Variants in CENPW observed in about 807,000 individuals in gnomAD.
CENPW encodes cancer-up-regulated gene 2 protein.
A neutral mutation model predicts 11.1 loss-of-function variants in CENPW; 3 were observed. The observed-to-expected ratio is 0.27, with a 90% CI of 0.12 to 0.70. The LOEUF is 0.70. CENPW is among the 30% of genes least tolerant of loss of function. The probability of loss-of-function intolerance (pLI) is 0.77; values close to 1 mark genes in which losing one functional copy is unlikely to be tolerated. For missense variants in CENPW, 100 were observed against 105.6 expected (o/e 0.95, Z 0.23); for synonymous variants, 38 against 42.0 (o/e 0.91, Z 0.37).
chr6:126,425,604 T>TGC, the CENPW span, among the ~76,000 whole-genome samples: 1 of 152,068 alleles, frequency 6.6e-6, no homozygotes, highest in Non-Finnish European at 1.5e-5. Context: ...ATAAGAGTAG[T>TGC]ACTGCACCAC....
the CENPW span, among the ~76,000 whole-genome samples, chr6:126,447,810 C>T: frequency 2.0e-5 from 3 of 151,200 alleles, no homozygotes; most frequent in East Asian, 3.9e-4. Flanking sequence ...CCAAGTAATA[C>T]CTTGAAGAGC....
At chr6:126,460,182 A>T in the CENPW span, among the ~76,000 whole-genome samples, 1 of 151,680 alleles carries the variant, frequency 6.6e-6, no homozygotes, top group African/African-American at 2.4e-5. Flanking sequence ...TAATGTGGAA[A>T]CAATTTGGAT....
At chr6:126,377,181 T>C in the CENPW span, among the ~76,000 whole-genome samples, 7 of 152,304 alleles carry the variant, frequency 4.6e-5, no homozygotes, top group South Asian at 1.5e-3. Flanking sequence ...GTATCAAATT[T>C]ATACTTCTAT....
intron 2 of CENPW, among the ~76,000 whole-genome samples, chr6:126,347,821 T>TA (rs1300371772): frequency 2.0e-5 from 3 of 151,874 alleles, no homozygotes; most frequent in African/African-American, 4.8e-5. Flanking sequence ...AGTTTTTTTT[T>TA]AAAAAAAGAG....
At chr6:126,439,235 G>A in the CENPW span, among the ~76,000 whole-genome samples, 2 of 151,698 alleles carry the variant, frequency 1.3e-5, no homozygotes, top group African/African-American at 4.8e-5. Context: ...TGTAGAATAT[G>A]TACCACATGT....
At chr6:126,444,804 C>A in the CENPW span, among the ~76,000 whole-genome samples, 2 of 151,174 alleles carry the variant, frequency 1.3e-5, no homozygotes, top group African/African-American at 4.8e-5. Context: ...CAATACATTC[C>A]TCTTCCTGAT....
the CENPW span, among the ~76,000 whole-genome samples, chr6:126,407,254 G>A: frequency 6.6e-6 from 1 of 152,148 alleles, no homozygotes; most frequent in Admixed American, 6.5e-5. Context: ...CCCCTGCAAA[G>A]GACATGATCT....
the CENPW span, among the ~76,000 whole-genome samples, chr6:126,442,296 G>T: frequency 2.0e-5 from 3 of 151,158 alleles, no homozygotes; most frequent in Non-Finnish European, 4.4e-5. Flanking sequence ...TTTTTGATGG[G>T]ATTGTTTGTT....
the CENPW span, among the ~76,000 whole-genome samples, chr6:126,471,986 A>G: frequency 1.6e-4 from 24 of 152,208 alleles, no homozygotes; most frequent in Non-Finnish European, 3.4e-4. Flanking sequence ...ATATATTTCA[A>G]CAAAAGCTCA....
At chr6:126,475,519 T>C in the CENPW span, among the ~76,000 whole-genome samples, 1 of 152,194 alleles carries the variant, frequency 6.6e-6, no homozygotes, top group South Asian at 2.1e-4. Context: ...TCATTTTTAG[T>C]TAGGCCTTAT....
At chr6:126,452,108 T>C in the CENPW span, among the ~76,000 whole-genome samples, 6 of 151,114 alleles carry the variant, frequency 4.0e-5, no homozygotes, top group African/African-American at 1.5e-4. Context: ...GGTTAGAACT[T>C]ACAGCCTAAA....
At chr6:126,415,293 C>T in the CENPW span, among the ~76,000 whole-genome samples, 3 of 152,102 alleles carry the variant, frequency 2.0e-5, no homozygotes, top group East Asian at 1.9e-4. Flanking sequence ...TTTTTATTCA[C>T]TCACTAGATT....
chr6:126,431,111 C>T, the CENPW span, among the ~76,000 whole-genome samples: 1 of 152,054 alleles, frequency 6.6e-6, no homozygotes, highest in Non-Finnish European at 1.5e-5. Flanking sequence ...GAATTTTCTT[C>T]CTATTTTATC....
the CENPW span, among the ~76,000 whole-genome samples, chr6:126,377,521 C>T: frequency 6.6e-6 from 1 of 152,152 alleles, no homozygotes; most frequent in Non-Finnish European, 1.5e-5. Context: ...GAAACAGTTT[C>T]TGCAGTGTTA....
chr6:126,443,564 T>A, the CENPW span, among the ~76,000 whole-genome samples: 1 of 151,340 alleles, frequency 6.6e-6, no homozygotes, highest in Non-Finnish European at 1.5e-5. Flanking sequence ...TCTAACTCCA[T>A]GGTACCTTCA....
the CENPW span, among the ~76,000 whole-genome samples, chr6:126,457,054 C>A: frequency 6.6e-6 from 1 of 150,948 alleles, no homozygotes; most frequent in Non-Finnish European, 1.5e-5. Context: ...TGGATGCTGG[C>A]AAGGTTGCAA....
chr6:126,387,096 A>G, the CENPW span, among the ~76,000 whole-genome samples: 2 of 152,022 alleles, frequency 1.3e-5, no homozygotes, highest in South Asian at 4.1e-4. Flanking sequence ...CTTAATTTTG[A>G]TTATAAATTA....
the CENPW span, among the ~76,000 whole-genome samples, chr6:126,362,068 G>C: frequency 2.0e-5 from 3 of 152,182 alleles, no homozygotes; most frequent in African/African-American, 7.2e-5. Flanking sequence ...CTTCTATGGA[G>C]TGGGTCGACA....
the CENPW span, among the ~76,000 whole-genome samples, chr6:126,447,353 G>T: frequency 3.7e-4 from 56 of 151,098 alleles, no homozygotes; most frequent in Admixed American, 3.7e-3. Context: ...TTTTGAAAAA[G>T]AAAATTATCA....
Sources: allele counts gnomAD v4.1 joint callset (sites outside exome capture counted in the v4.1 genomes callset), GRCh38; gene constraint gnomAD v4.1.1; transcripts MANE v1.5; gene names NCBI Gene and HGNC (gene_info 2026-07-23, HGNC 2026-07-21).